GLRB: variants seen among roughly 807,000 people sequenced by gnomAD.
GLRB encodes glycine receptor subunit beta.
In GLRB, 33 loss-of-function variants were observed where a neutral mutation model predicts 54.2. That is an observed-to-expected ratio of 0.61 (90% CI 0.46 to 0.81). The LOEUF is 0.81. GLRB is among the 40% of genes least tolerant of loss of function. GLRB has a pLI of 0.00. For synonymous variants in GLRB, 209 were observed against 208.2 expected (o/e 1.00, Z -0.03); for missense variants, 572 against 584.6 (o/e 0.98, Z 0.22).
At chr4:157,104,267 T>G (rs1735142017) in intron 2 of GLRB, among the ~76,000 whole-genome samples, 1 of 152,288 alleles carries the variant, frequency 6.6e-6, no homozygotes, top group Non-Finnish European at 1.5e-5. Context: ...CATGAAAGGA[T>G]GTTAAATGTT....
chr4:157,171,653 A>C lies in GLRB; in HGVS notation c.*925A>C, dbSNP rs1021141985. 2 of 152,354 alleles carry C rather than the reference A, an allele frequency of 1.3e-5. No homozygotes were observed. Among genetic ancestry groups the C allele is most frequent in the Non-Finnish European group, 2.9e-5 (2 of 67,830 alleles). The allele number at this position is 152,354 out of a possible 1,614,324, so 9.4% of individuals were successfully genotyped here. ...AAATCCATAACTATTAAAAGATTTTAACTTTTTTATTTTATTAAAATGCTT... is the reference window on the plus strand; with the variant it reads ...AAATCCATAACTATTAAAAGATTTTCACTTTTTTATTTTATTAAAATGCTT... On this transcript the variant is annotated 3_prime_UTR_variant, in exon 10 of 10. Coordinates refer to ENST00000264428, the MANE Select transcript of GLRB (RefSeq NM_000824.5).
chr4:157,120,748 A>G (rs999730050), intron 3 of GLRB, 86 bp downstream of exon 3: 51 of 651,774 alleles, frequency 7.8e-5, no homozygotes, highest in Admixed American at 3.0e-4. Flanking sequence ...TTATATGTAT[A>G]TGCTTTGTGA....
At chr4:157,131,068 A>G (rs1032465318) in intron 4 of GLRB, among the ~76,000 whole-genome samples, 23 of 151,818 alleles carry the variant, frequency 1.5e-4, no homozygotes, top group Non-Finnish European at 2.4e-4. Flanking sequence ...CATTAGTAAC[A>G]TCAATTTTTA....
At chr4:157,141,448 C>T (rs1736607077) in intron 7 of GLRB, among the ~76,000 whole-genome samples, 1 of 151,500 alleles carries the variant, frequency 6.6e-6, no homozygotes, top group Non-Finnish European at 1.5e-5. Context: ...AAAAAGATAG[C>T]CAATATTTAG....
intron 2 of GLRB, among the ~76,000 whole-genome samples, chr4:157,119,227 A>T (rs1735714490): frequency 6.6e-6 from 1 of 151,626 alleles, no homozygotes. Context: ...TGTTTCATTT[A>T]TCTGATAATA....
Position 157,138,908 on chromosome 4 carries a change from A to T in GLRB, c.710A>T (p.Asp237Val), listed in dbSNP as rs1560964377. The T allele has an allele frequency of 2.7e-6, 4 of 1,476,382 alleles. No homozygotes were observed. Among genetic ancestry groups the T allele is most frequent in the South Asian group, 2.3e-5 (2 of 87,680 alleles). 91.5% of individuals were successfully genotyped at this position (1,476,382 alleles called of 1,614,324 possible). A position where few individuals can be genotyped will look rare whatever the true frequency, so the allele number is the denominator to read the frequency against. ...ALPQFDIKKEDIEYGNCTKYY... is the reference protein window; with the variant it reads ...ALPQFDIKKEVIEYGNCTKYY... ...CCTCAATTTGATATCAAAAAGGAAGATATTGAATATGGTAACTGTACAAAA... is the reference window on the plus strand; with the variant it reads ...CCTCAATTTGATATCAAAAAGGAAGTTATTGAATATGGTAACTGTACAAAA... The change falls in exon 7 of 10, where the codon GAT becomes GTT. Residue 237 changes from aspartate (D) to valine (V), a missense_variant. Transcript: ENST00000264428.
rs531435309 is a variant in GLRB at position 157,122,488 on chromosome 4, C to G, written c.297+91C>G. ...TAAAATTGAACAATAAGGAGCAACT[C>G]AAATAATCCATGCCCTTTCCTAGTA... On this transcript the variant is annotated intron_variant, in intron 4 of 9. Coordinates refer to ENST00000264428, the MANE Select transcript of GLRB (RefSeq NM_000824.5). 1.1e-5 allele frequency: 6 copies of G among 539,610 alleles called. No individual in the cohort carries two copies. The East Asian group carries it at 1.5e-4, about 14-fold the overall frequency. The allele number at this position is 539,610 out of a possible 1,614,324, so 33.4% of individuals were successfully genotyped here.
intron 9 of GLRB, among the ~76,000 whole-genome samples, chr4:157,164,232 G>C (rs1174750596): frequency 6.6e-6 from 1 of 151,712 alleles, no homozygotes; most frequent in Non-Finnish European, 1.5e-5. Flanking sequence ...GGCATGCTTT[G>C]GCATGACGAA....
At position 157,167,056 on chromosome 4, in the gene GLRB, G is replaced by A. The variant is rs1298720990; in HGVS notation, c.1198-3376G>A. Among the ~76,000 whole-genome samples the A allele has an allele frequency of 2.6e-5, 4 of 152,020 alleles. No homozygotes were observed. In the South Asian group the frequency reaches 6.2e-4, roughly 24 times the overall value. ...TATAAAAATATGATTTATAGCAAAT[G>A]CATTTCTACAGTATATTCTAAATAT... On this transcript the variant is annotated intron_variant, in intron 9 of 9. Transcript: ENST00000264428.
chr4:157,155,740 A>C (rs1376376487), intron 9 of GLRB, among the ~76,000 whole-genome samples: 1 of 152,222 alleles, frequency 6.6e-6, no homozygotes, highest in Non-Finnish European at 1.5e-5. Context: ...AGTAGTGATC[A>C]GAAGTTTAAT....
chr4:157,095,767 C>T (rs1222316284), intron 2 of GLRB, among the ~76,000 whole-genome samples: 2 of 152,050 alleles, frequency 1.3e-5, no homozygotes, highest in East Asian at 1.9e-4. Flanking sequence ...AAGTAAAAGC[C>T]GGCTGTGACT....
At chr4:157,123,372 A>G (rs1735902649) in intron 4 of GLRB, among the ~76,000 whole-genome samples, 1 of 151,842 alleles carries the variant, frequency 6.6e-6, no homozygotes, top group Non-Finnish European at 1.5e-5. Flanking sequence ...TAGCAGCAGC[A>G]TAGTACATTA....
intron 4 of GLRB, among the ~76,000 whole-genome samples, chr4:157,132,328 T>G (rs576992663): frequency 6.6e-6 from 1 of 151,926 alleles, no homozygotes; most frequent in Admixed American, 6.6e-5. Flanking sequence ...ACCTTTCCAC[T>G]GTCTCTTGCT....
chr4:157,169,869 C>T (rs1737851629), intron 9 of GLRB, among the ~76,000 whole-genome samples: 1 of 152,080 alleles, frequency 6.6e-6, no homozygotes, highest in Non-Finnish European at 1.5e-5. Flanking sequence ...GTTGGGAATG[C>T]CTATCACTAG....
At chr4:157,109,541 T>C (rs1735341622) in intron 2 of GLRB, among the ~76,000 whole-genome samples, 1 of 151,996 alleles carries the variant, frequency 6.6e-6, no homozygotes, top group South Asian at 2.1e-4. Context: ...GTCAGTTCTC[T>C]AGGGGATACC....
chr4:157,159,544 G>A (rs954895377), intron 9 of GLRB, among the ~76,000 whole-genome samples: 8 of 152,044 alleles, frequency 5.3e-5, no homozygotes, highest in Non-Finnish European at 8.8e-5. Context: ...TAGCATGAAG[G>A]GCTGTTGAAT....
At chr4:157,136,942 T>G (rs1736427232) in intron 6 of GLRB, 56 bp downstream of exon 6, 3 of 1,004,038 alleles carry the variant, frequency 3.0e-6, no homozygotes, top group Admixed American at 1.7e-5. Flanking sequence ...AATGTCTGGG[T>G]AATACATTCT....
chr4:157,109,472 C>T (rs1269744058), intron 2 of GLRB, among the ~76,000 whole-genome samples: 1 of 151,910 alleles, frequency 6.6e-6, no homozygotes, highest in Non-Finnish European at 1.5e-5. Flanking sequence ...ACTGTACTCT[C>T]CAGTAGAATA....
intron 9 of GLRB, among the ~76,000 whole-genome samples, chr4:157,169,689 T>C: frequency 6.6e-6 from 1 of 152,144 alleles, no homozygotes; most frequent in South Asian, 2.1e-4. Context: ...CCCTTGCAGT[T>C]CAAACCCATG....
Sources: allele counts gnomAD v4.1 joint callset (sites outside exome capture counted in the v4.1 genomes callset), GRCh38; gene constraint gnomAD v4.1.1; transcripts MANE v1.5; gene names NCBI Gene and HGNC (gene_info 2026-07-23, HGNC 2026-07-21).